SMARCA2: variants seen among roughly 807,000 people sequenced by gnomAD.
SMARCA2 encodes the protein SWI/SNF-related matrix-associated actin-dependent regulator of chromatin subfamily A member 2.
Under a neutral mutation model 199.8 loss-of-function variants are expected in SMARCA2, and 61 were observed. The ratio of observed to expected loss-of-function variants is 0.31; its 90% confidence interval spans 0.25 to 0.38. The LOEUF is 0.38. SMARCA2 is among the 10% of genes least tolerant of loss of function. SMARCA2 has a pLI of 1.00. For synonymous variants in SMARCA2, 935 were observed against 732.0 expected, an observed-to-expected ratio of 1.28 and a Z score of -4.48; for missense variants, 1,344 against 2,012.2, an observed-to-expected ratio of 0.67 and a Z score of 6.35.
At chr9:2,137,184 C>G (rs1824233042) in intron 27 of SMARCA2, among the ~76,000 whole-genome samples, 1 of 152,202 alleles carries the variant, frequency 6.6e-6, no homozygotes, top group African/African-American at 2.4e-5. Context: ...TAATAAGGAT[C>G]TGGAGTGTGT....
chr9:2,054,888 T>C (rs1820282472), intron 6 of SMARCA2, among the ~76,000 whole-genome samples, 165 bp downstream of exon 6: 1 of 152,232 alleles, frequency 6.6e-6, no homozygotes, highest in Admixed American at 6.5e-5. Flanking sequence ...CAACTAAAAA[T>C]GATGAAGATG....
At chr9:2,073,103 A>G (rs1389383617) in intron 10 of SMARCA2, 109 bp from the exon 11 acceptor site, 4 of 1,317,530 alleles carry the variant, frequency 3.0e-6, no homozygotes, top group African/African-American at 1.5e-5. Flanking sequence ...TTCCAAACAC[A>G]GAATAAGGTT....
chr9:2,150,144 TCTC>T (rs1824988595), intron 27 of SMARCA2, among the ~76,000 whole-genome samples: 1 of 151,652 alleles, frequency 6.6e-6, no homozygotes, highest in African/African-American at 2.4e-5. Context: ...GAGCTAGTCA[TCTC>T]CTTCACACAG....
chr9:2,054,510 A>C, intron 5 of SMARCA2, 87 bp from the exon 6 acceptor site: 1 of 1,508,782 alleles, frequency 6.6e-7, no homozygotes, highest in Admixed American at 1.9e-5. Flanking sequence ...CCCGGACTTA[A>C]ACCTAATGTC....
chr9:2,096,203 C>G (rs547131828), intron 19 of SMARCA2, among the ~76,000 whole-genome samples: 1 of 152,194 alleles, frequency 6.6e-6, no homozygotes, highest in East Asian at 1.9e-4. Context: ...TTAGAGATAC[C>G]ACATGTGACC....
chr9:2,170,689 C>G lies in SMARCA2; in HGVS notation c.4253+217C>G, dbSNP rs1391186916. Among the ~76,000 whole-genome samples the G allele has an allele frequency of 6.6e-6, 1 of 152,156 alleles. No homozygotes were observed. Among genetic ancestry groups the G allele is most frequent in the Non-Finnish European group, 1.5e-5 (1 of 68,018 alleles). On this transcript the variant is annotated intron_variant, in intron 29 of 33. Transcript: ENST00000349721. This position sits in a 1 kb window ranked among gnomAD's most constrained non-coding sequence, Gnocchi z 4.7. ...GTATTTTAATCTGGCTGTGCCAATTCTATACATGCACTCCTTACAAGGGTA... is the reference window on the plus strand; with the variant it reads ...GTATTTTAATCTGGCTGTGCCAATTGTATACATGCACTCCTTACAAGGGTA...
chr9:2,135,796 G>T (rs562658271), intron 27 of SMARCA2, among the ~76,000 whole-genome samples: 1 of 152,178 alleles, frequency 6.6e-6, no homozygotes, highest in African/African-American at 2.4e-5. Context: ...GCCTGCCTTG[G>T]CCTCCCAAAG....
At chr9:2,089,776 T>C (rs975893903) in intron 19 of SMARCA2, among the ~76,000 whole-genome samples, 1 of 152,210 alleles carries the variant, frequency 6.6e-6, no homozygotes, top group African/African-American at 2.4e-5. Flanking sequence ...ACTGAGTAGA[T>C]AAATTGATGA....
At chr9:2,155,720 CTTTTTTTT>C (rs59156319) in intron 27 of SMARCA2, among the ~76,000 whole-genome samples, 16 of 53,180 alleles carry the variant, frequency 3.0e-4, no homozygotes, top group African/African-American at 9.1e-4. Flanking sequence ...AAGAGAAAAC[CTTTTTTTT>C]TTTTTTTTTT....
chr9:2,152,422 T>TAATTA (rs1825125008), intron 27 of SMARCA2, among the ~76,000 whole-genome samples: 1 of 151,494 alleles, frequency 6.6e-6, no homozygotes, highest in Admixed American at 6.6e-5. Flanking sequence ...GTGTGGTGGC[T>TAATTA]CATGGCTCAT....
At chr9:2,118,633 G>A (rs188712580) in intron 25 of SMARCA2, among the ~76,000 whole-genome samples, 1,954 of 152,262 alleles carry the variant, frequency 0.013, 39 homozygotes, top group African/African-American at 0.044. Context: ...AAATCCTGAA[G>A]CATATGCCGA....
intron 12 of SMARCA2, chr9:2,075,028 G>T (rs1469765047): frequency 6.6e-6 from 1 of 152,304 alleles, no homozygotes; most frequent in East Asian, 1.9e-4. Flanking sequence ...GAGCCAGAGA[G>T]GGCAGAGATA....
intron 12 of SMARCA2, chr9:2,074,929 C>T (rs1159831650): frequency 6.6e-6 from 1 of 152,224 alleles, no homozygotes; most frequent in African/African-American, 2.4e-5. Context: ...CCCAGCTACT[C>T]TATCTCTAAG....
intron 27 of SMARCA2, among the ~76,000 whole-genome samples, chr9:2,136,145 T>C (rs1212071200): frequency 1.3e-5 from 2 of 151,564 alleles, no homozygotes; most frequent in Non-Finnish European, 2.9e-5. Flanking sequence ...TGGCAACTTT[T>C]ACTTTTTATT....
At chr9:2,061,455 G>C (rs1236796313) in intron 9 of SMARCA2, among the ~76,000 whole-genome samples, 1 of 152,212 alleles carries the variant, frequency 6.6e-6, no homozygotes, top group Non-Finnish European at 1.5e-5. Flanking sequence ...CAGTTCTGCT[G>C]TCCCTGTGTC....
chr9:2,191,487 C>T (rs1486546653), intron 33 of SMARCA2, 79 bp downstream of exon 33: 4 of 1,504,962 alleles, frequency 2.7e-6, no homozygotes, highest in East Asian at 2.3e-5. Context: ...CATGCCCCTT[C>T]AGCCTTTTCG....
rs1340013014 is a variant in SMARCA2 at position 2,186,163 on chromosome 9, A to G, written c.4529A>G (p.Glu1510Gly). ...GCCCGGCAGAAAATTGCCAAAGAGG[A>G]AGAGAGTGAGGATGAAAGCAATGAA... ...KSARQKIAKEEESEDESNEEE... is the reference protein window; with the variant it reads ...KSARQKIAKEGESEDESNEEE... Residue 1510 changes from glutamate to glycine, a missense_variant, in exon 32 of 34, where the codon GAA becomes GGA. Coordinates refer to ENST00000349721, the MANE Select transcript of SMARCA2 (RefSeq NM_003070.5). 1.9e-6 allele frequency: 3 copies of G among 1,613,916 alleles called. No individual in the cohort carries two copies. The highest frequency in any genetic ancestry group is 2.5e-6 in the Non-Finnish European group (3 of 1,179,932).
In SMARCA2 at chr9:2,061,002, G is replaced by A; in HGVS notation, c.1692+16G>A. 6.2e-7 allele frequency: 1 copy of A among 1,611,410 alleles called. No individual in the cohort carries two copies. Among genetic ancestry groups the A allele is most frequent in the South Asian group, 1.1e-5 (1 of 90,740 alleles). ...GAGGAAGAAGGTGCGTATCCTAGTGGTGGTGGCTGAGTCCAGGGTGTATGG... is the reference window on the plus strand; with the variant it reads ...GAGGAAGAAGGTGCGTATCCTAGTGATGGTGGCTGAGTCCAGGGTGTATGG... On this transcript the variant is annotated intron_variant, in intron 9 of 33. Coordinates refer to ENST00000349721, the MANE Select transcript of SMARCA2 (RefSeq NM_003070.5).
In SMARCA2 at chr9:2,044,541, C is replaced by T. The variant is rs1296372139; in HGVS notation, c.791-2688C>T. The T allele has an allele frequency of 2.6e-5, 4 of 152,178 alleles. No homozygotes were observed. The East Asian group carries it at 5.8e-4, about 22-fold the overall frequency. 9.4% of individuals were successfully genotyped at this position (152,178 alleles called of 1,614,324 possible). The stretch of plus-strand genomic sequence containing the variant: ...TATCTCCCTGTCCTTGGCAATAAAA[C>T]GACAAAAGCCGAGGGTTGAACAGGT... On this transcript the variant is annotated intron_variant, in intron 4 of 33. Coordinates refer to ENST00000349721, the MANE Select transcript of SMARCA2 (RefSeq NM_003070.5).
Sources: allele counts gnomAD v4.1 joint callset (sites outside exome capture counted in the v4.1 genomes callset), GRCh38; gene constraint gnomAD v4.1.1; non-coding constraint Gnocchi (gnomAD v3.1); transcripts MANE v1.5; gene names NCBI Gene and HGNC (gene_info 2026-07-23, HGNC 2026-07-21).